SUCNR1: variants seen among roughly 807,000 people sequenced by gnomAD.
The protein encoded by SUCNR1 is succinate receptor 1, also known as G-protein coupled receptor 91.
Under a neutral mutation model 2.4 loss-of-function variants are expected in SUCNR1, and 5 were observed. The ratio of observed to expected loss-of-function variants is 2.07; its 90% CI spans 1.08 to 4.36. The LOEUF (loss-of-function observed/expected upper bound fraction) is 4.36, where lower values mean the gene tolerates loss of function less well. Ranked by LOEUF, SUCNR1 falls within the 30% of genes most tolerant of loss-of-function variation. The pLI is 0.00. For missense variants in SUCNR1, 373 were observed against 399.2 expected (o/e 0.93, Z 0.56); for synonymous variants, 162 against 143.9 (o/e 1.13, Z -0.90).
intron 1 of SUCNR1, among the ~76,000 whole-genome samples, chr3:151,879,441 G>A (rs1053419858): frequency 6.6e-6 from 1 of 152,102 alleles, no homozygotes; most frequent in African/African-American, 2.4e-5. Flanking sequence ...GAATGGGATT[G>A]GTACTCTTGT....
intron 1 of SUCNR1, among the ~76,000 whole-genome samples, chr3:151,876,669 T>C (rs1454489608): frequency 6.6e-6 from 1 of 152,106 alleles, no homozygotes; most frequent in Non-Finnish European, 1.5e-5. Context: ...TTTTGCCTTA[T>C]ACAAATGTGT....
rs1576665862 is a variant in SUCNR1, at chr3:151,881,556, G to A, written c.*8G>A. The A allele has an allele frequency of 1.3e-6, 2 of 1,576,134 alleles. No homozygotes were observed. Among genetic ancestry groups the A allele is most frequent in the Non-Finnish European group, 8.6e-7 (1 of 1,166,406 alleles). ...TCATTCAGAGAAAAGTGAGGGGCTT[G>A]TGAAACAGATTGTTCTACAGATGAA... On this transcript the variant is annotated 3_prime_UTR_variant, in exon 3 of 3. Transcript: ENST00000362032.
At position 151,879,868 on chromosome 3, in the gene SUCNR1, G is replaced by A; in HGVS notation, c.-25G>A. 1 of 1,561,984 alleles carries A rather than the reference G, an allele frequency of 6.4e-7. No homozygotes were observed. The highest frequency in any genetic ancestry group is 8.7e-7 in the Non-Finnish European group (1 of 1,151,598). ...CTCTTCTAGGTTATGGTTTAACTCA[G>A]CAGAATTTGTTGAACAACTACGACA... On this transcript the variant is annotated 5_prime_UTR_variant, in exon 2 of 3. Transcript: ENST00000362032.
chr3:151,874,144 ATATTTTTTT>A (rs1174710168), intron 1 of SUCNR1, among the ~76,000 whole-genome samples: 9 of 62,886 alleles, frequency 1.4e-4, no homozygotes, highest in Non-Finnish European at 2.8e-4. Flanking sequence ...ATATATATAT[ATATTTTTTT>A]TTTTTTTTTT....
rs1474754908 is a variant in SUCNR1 at position 151,881,299 on chromosome 3, G to T, written c.756G>T (p.Arg252=). The change falls in exon 3 of 3, where the codon CGG becomes CGT. Residue 252 remains arginine, a synonymous_variant. Coordinates refer to ENST00000362032, the MANE Select transcript of SUCNR1 (RefSeq NM_033050.6). The part of the protein sequence containing the change: ...SVLFTPYHVM[R]NVRIASRLGS... ...TTTTTACACCCTATCACGTCATGCG[G>T]AATGTGAGGATCGCTTCACGCCTGG... The T allele has an allele frequency of 6.2e-7, 1 of 1,614,214 alleles. No individual in the cohort carries two copies. The highest frequency in any genetic ancestry group is 8.5e-7 in the Non-Finnish European group (1 of 1,180,030).
In SUCNR1 at chr3:151,883,909, T is replaced by C. The variant is rs1266121767; in HGVS notation, c.*2361T>C. On this transcript the variant is annotated 3_prime_UTR_variant, in exon 3 of 3. Coordinates refer to ENST00000362032, the MANE Select transcript of SUCNR1 (RefSeq NM_033050.6). ...TACATTCAGAACTTTCTTCACTTTG[T>C]TCACCTGTTGCCCATCTTTGTTCTA... 6.6e-6 allele frequency: 1 copy of C among 152,170 alleles called. No individual in the cohort carries two copies. Among genetic ancestry groups the C allele is most frequent in the East Asian group, 1.9e-4 (1 of 5,194 alleles). The allele number at this position is 152,170 out of a possible 1,614,324, so 9.4% of individuals were successfully genotyped here.
chr3:151,874,747 A>G (rs1717871206), intron 1 of SUCNR1, among the ~76,000 whole-genome samples: 2 of 152,176 alleles, frequency 1.3e-5, no homozygotes, highest in Non-Finnish European at 2.9e-5. Context: ...ATACATAAAA[A>G]TAAAGTTACA....
intron 1 of SUCNR1, among the ~76,000 whole-genome samples, chr3:151,876,322 G>A (rs1284185803): frequency 6.6e-6 from 1 of 151,128 alleles, no homozygotes; most frequent in Admixed American, 6.6e-5. Context: ...GGACTTAAAA[G>A]CTACTGAGAA....
rs750192587 is a variant in SUCNR1 at position 151,880,947 on chromosome 3, A to G, written c.404A>G (p.Lys135Arg). Reference protein sequence around the residue: ...KYPFREHLLQKKEFAILISLA... With the variant: ...KYPFREHLLQRKEFAILISLA... ...CCTTTCCGAGAACACCTTCTGCAAA[A>G]GAAAGAGTTTGCTATTTTAATCTCC... The change falls in exon 3 of 3, where the codon AAG (lysine) becomes AGG (arginine). Residue 135 changes from lysine (K) to arginine (R), a missense_variant. Around this residue, in one of 3 missense-constraint regions of SUCNR1, gnomAD observed 184 missense variants for 162.2 expected, o/e 1.13. Transcript: ENST00000362032. 1 of 1,614,064 alleles carries G rather than the reference A, an allele frequency of 6.2e-7. No individual in the cohort carries two copies. The highest frequency in any genetic ancestry group is 2.2e-5 in the East Asian group (1 of 44,888).
intron 1 of SUCNR1, among the ~76,000 whole-genome samples, chr3:151,874,140 ATATATATTTTTTTTTTT>A (rs1717839709): frequency 1.6e-5 from 1 of 62,220 alleles, no homozygotes; most frequent in Non-Finnish European, 3.3e-5. Flanking sequence ...ATATATATAT[ATATATATTTTTTTTTTT>A]TTTTTTTTTT....
chr3:151,882,215 A>G lies in SUCNR1; in HGVS notation c.*667A>G, dbSNP rs1012144558. 4 of 152,166 alleles carry G rather than the reference A, an allele frequency of 2.6e-5. No individual in the cohort carries two copies. The highest frequency in any genetic ancestry group is 5.9e-5 in the Non-Finnish European group (4 of 68,000). 9.4% of individuals were successfully genotyped at this position (152,166 alleles called of 1,614,324 possible). A position where few individuals can be genotyped will look rare whatever the true frequency, so the allele number is the denominator to read the frequency against. On this transcript the variant is annotated 3_prime_UTR_variant, in exon 3 of 3. Transcript: ENST00000362032. Reference sequence around the variant, plus strand: ...GAGAATATGTTTGAGCTTGTCAGAGAATTTAAGTATCAAAATACTAGAGAG... The same window carrying G: ...GAGAATATGTTTGAGCTTGTCAGAGGATTTAAGTATCAAAATACTAGAGAG...
At position 151,881,319 on chromosome 3, in the gene SUCNR1, G is replaced by A. The variant is rs770883727; in HGVS notation, c.776G>A (p.Arg259His). ...HVMRNVRIASRLGSWKQYQCT... is the reference protein window; with the variant it reads ...HVMRNVRIASHLGSWKQYQCT... ...ATGCGGAATGTGAGGATCGCTTCAC[G>A]CCTGGGGAGTTGGAAGCAGTATCAG... The change falls in exon 3 of 3, where the codon CGC becomes CAC. Residue 259 changes from arginine to histidine, a missense_variant. Coordinates refer to ENST00000362032, the MANE Select transcript of SUCNR1 (RefSeq NM_033050.6). 1.4e-5 allele frequency: 22 copies of A among 1,614,138 alleles called. No individual in the cohort carries two copies. The Middle Eastern group carries it at 4.9e-4, about 36-fold the overall frequency.
chr3:151,877,012 A>C (rs1186063556), intron 1 of SUCNR1, among the ~76,000 whole-genome samples: 3 of 152,190 alleles, frequency 2.0e-5, no homozygotes, highest in Admixed American at 1.3e-4. Context: ...GACCTACTTT[A>C]GACTGAGGGT....
At chr3:151,879,402 T>A (rs1718017553) in intron 1 of SUCNR1, among the ~76,000 whole-genome samples, 1 of 152,158 alleles carries the variant, frequency 6.6e-6, no homozygotes, top group Non-Finnish European at 1.5e-5. Flanking sequence ...TTTTGGAAAG[T>A]GATGAAGCCA....
At chr3:151,877,167 G>C (rs891288719) in intron 1 of SUCNR1, among the ~76,000 whole-genome samples, 1 of 152,100 alleles carries the variant, frequency 6.6e-6, no homozygotes, top group African/African-American at 2.4e-5. Context: ...TGTTAAGAAG[G>C]CTCTCTGTGC....
rs755026819 is a variant in SUCNR1, at chr3:151,880,646, G to A, written c.103G>A (p.Val35Ile). 1.7e-5 allele frequency: 27 copies of A among 1,614,058 alleles called. No homozygotes were observed. Among genetic ancestry groups the A allele is most frequent in the African/African-American group, 5.3e-5 (4 of 75,028 alleles). ...TTCCATTTTTTATGGGATTGAGTTC[G>A]TTGTGGGAGTCCTTGGAAATACCAT... is the stretch of plus-strand genomic sequence containing the variant. ...YLSIFYGIEF[V>I]VGVLGNTIVV... Residue 35 changes from valine to isoleucine, a missense_variant, in exon 3 of 3, where the codon GTT becomes ATT. Physicochemically the swap from Val to Ile is conservative, Grantham distance 29. Transcript: ENST00000362032.
chr3:151,874,048 C>T (rs76861810), intron 1 of SUCNR1, among the ~76,000 whole-genome samples: 2,605 of 140,786 alleles, frequency 0.019, 84 homozygotes, highest in African/African-American at 0.066. Flanking sequence ...AATTAAAGTT[C>T]CTAAATGATT....
chr3:151,880,585 G>T lies in SUCNR1; in HGVS notation c.42G>T (p.Trp14Cys), dbSNP rs1718057920. ...CATGGAATGCAACTTGCAAAAACTG[G>T]CTGGCAGCAGAGGCTGCCCTGGAAA... The part of the protein sequence containing the change: ...IMAWNATCKN[W>C]LAAEAALEKY... Residue 14 changes from tryptophan to cysteine, a missense_variant, in exon 3 of 3, where the codon TGG becomes TGT. By Grantham distance (215) the Trp-to-Cys change is radical. Coordinates refer to ENST00000362032, the MANE Select transcript of SUCNR1 (RefSeq NM_033050.6). 6 of 1,607,828 alleles carry T rather than the reference G, an allele frequency of 3.7e-6. No homozygotes were observed. In the East Asian group the frequency reaches 1.3e-4, roughly 36 times the overall value.
In SUCNR1 at chr3:151,881,420, GTCT is replaced by G; in HGVS notation, c.881_883del (p.Phe294del). On this transcript the variant is annotated inframe_deletion, in exon 3 of 3. Coordinates refer to ENST00000362032, the MANE Select transcript of SUCNR1 (RefSeq NM_033050.6). Reference sequence around the variant, plus strand: ...CTTTCTGAACAGTGTCATCAACCCTGTCTTCTATTTTCTTTTGGGAGATCACTT... The same window carrying G: ...CTTTCTGAACAGTGTCATCAACCCTGTCTATTTTCTTTTGGGAGATCACTT... The G allele has an allele frequency of 6.2e-7, 1 of 1,614,144 alleles. No individual in the cohort carries two copies. The highest frequency in any genetic ancestry group is 1.1e-5 in the South Asian group (1 of 91,082).
Sources: allele counts gnomAD v4.1 joint callset (sites outside exome capture counted in the v4.1 genomes callset), GRCh38; gene constraint gnomAD v4.1.1; regional missense constraint gnomAD v4.1.1; transcripts MANE v1.5; gene names NCBI Gene and HGNC (gene_info 2026-07-23, HGNC 2026-07-21).